The following RGPD2 variants were observed in gnomAD, a reference collection of about 807,000 sequenced individuals.
RGPD2 encodes RANBP2-like and GRIP domain-containing protein 2.
In RGPD2, 2 loss-of-function variants were observed where a neutral mutation model predicts 36.0. The ratio of observed to expected loss-of-function variants is 0.06; its 90% CI spans 0.02 to 0.17. The LOEUF is 0.17. Among genes scored for constraint, RGPD2 ranks in the 10% least tolerant of loss-of-function variants. The pLI is 1.00. For missense variants in RGPD2, 40 were observed against 464.3 expected, an observed-to-expected ratio of 0.09 and a Z score of 8.40; for synonymous variants, 19 against 163.8, an observed-to-expected ratio of 0.12 and a Z score of 6.75.
intron 1 of RGPD2, among the ~76,000 whole-genome samples, chr2:87,825,443 CCG>C (rs1483933016): frequency 2.9e-4 from 33 of 114,222 alleles, no homozygotes; most frequent in African/African-American, 6.0e-4. Flanking sequence ...CCGCCGCCGC[CCG>C]GCCAGGCCGA....
chr2:87,915,396 T>C, the RGPD2 span, among the ~76,000 whole-genome samples: 1 of 142,458 alleles, frequency 7.0e-6, no homozygotes, highest in South Asian at 2.1e-4. Context: ...TATATATATG[T>C]ATATTATATA....
At chr2:87,827,155 G>A (rs1021702300), upstream of RGPD2, among the ~76,000 whole-genome samples, 3 of 152,120 alleles carry the variant, frequency 2.0e-5, no homozygotes, top group Admixed American at 6.5e-5. Flanking sequence ...TTGACAGGAA[G>A]TGTAAGAGTT....
chr2:87,973,351 G>C, the RGPD2 span, among the ~76,000 whole-genome samples: 1 of 122,806 alleles, frequency 8.1e-6, no homozygotes, highest in South Asian at 2.8e-4. Context: ...GGGTGAGCCA[G>C]TCAAGGAGGT....
At chr2:87,758,992 T>A (rs1374925431) in intron 22 of RGPD2, among the ~76,000 whole-genome samples, 1 of 144,548 alleles carries the variant, frequency 6.9e-6, no homozygotes, top group African/African-American at 2.5e-5. Context: ...AGCAAAACTT[T>A]GCTCAGATCC....
the RGPD2 span, among the ~76,000 whole-genome samples, chr2:87,988,311 G>A: frequency 7.6e-6 from 1 of 131,382 alleles, no homozygotes; most frequent in Non-Finnish European, 1.6e-5. Flanking sequence ...AATTCTGATT[G>A]TATTTTGACA....
At chr2:87,924,619 T>G in the RGPD2 span, among the ~76,000 whole-genome samples, 1 of 152,110 alleles carries the variant, frequency 6.6e-6, no homozygotes, top group Non-Finnish European at 1.5e-5. Context: ...CAGTAATAAA[T>G]GTATTAGTAG....
At chr2:87,937,256 A>T in the RGPD2 span, among the ~76,000 whole-genome samples, 58 of 151,906 alleles carry the variant, frequency 3.8e-4, no homozygotes, top group South Asian at 0.012. Flanking sequence ...ATAAGCACAT[A>T]TTTGCAAAGT....
At chr2:87,823,662 T>A in intron 1 of RGPD2, among the ~76,000 whole-genome samples, 1 of 128,050 alleles carries the variant, frequency 7.8e-6, no homozygotes, top group Admixed American at 7.7e-5. Context: ...ACAAAATGTC[T>A]AAAATGGGAG....
At chr2:87,932,657 TTTC>T in the RGPD2 span, among the ~76,000 whole-genome samples, 1 of 151,072 alleles carries the variant, frequency 6.6e-6, no homozygotes, top group Non-Finnish European at 1.5e-5. Context: ...TGGTAACAAA[TTTC>T]TTCAGCATTT....
chr2:87,877,600 A>C, the RGPD2 span, among the ~76,000 whole-genome samples: 42 of 152,328 alleles, frequency 2.8e-4, no homozygotes, highest in African/African-American at 1.0e-3. Flanking sequence ...TCAGGAGATC[A>C]AGACCATCCT....
the RGPD2 span, among the ~76,000 whole-genome samples, chr2:87,873,735 GC>G: frequency 7.9e-5 from 12 of 151,854 alleles, no homozygotes; most frequent in Admixed American, 2.6e-4. Flanking sequence ...ACGGTGGCAG[GC>G]AATGTGAGAG....
the RGPD2 span, among the ~76,000 whole-genome samples, chr2:87,836,450 G>C: frequency 6.6e-6 from 1 of 151,814 alleles, no homozygotes; most frequent in Non-Finnish European, 1.5e-5. Context: ...CCTATATTCA[G>C]CATTGTTAAA....
intron 6 of RGPD2, among the ~76,000 whole-genome samples, chr2:87,809,830 G>A (rs1490437464): frequency 6.9e-6 from 1 of 144,856 alleles, no homozygotes; most frequent in Non-Finnish European, 1.5e-5. Flanking sequence ...CCCCCTCTGA[G>A]GGCCAAGGGC....
the RGPD2 span, among the ~76,000 whole-genome samples, chr2:87,836,265 GGAAGAAA>G: frequency 1.5e-5 from 2 of 135,250 alleles, no homozygotes; most frequent in Admixed American, 1.6e-4. Context: ...AAGGAAGGAA[GGAAGAAA>G]GAAGAAAGAA....
the RGPD2 span, among the ~76,000 whole-genome samples, chr2:87,878,183 T>C: frequency 6.6e-6 from 1 of 152,284 alleles, no homozygotes; most frequent in Non-Finnish European, 1.5e-5. Flanking sequence ...AGATTTGGTC[T>C]CTTTACATAA....
At chr2:87,928,900 T>G in the RGPD2 span, among the ~76,000 whole-genome samples, 109 of 150,980 alleles carry the variant, frequency 7.2e-4, no homozygotes, top group Middle Eastern at 3.4e-3. Context: ...ATGAGGTGGG[T>G]TTTTTTTTCT....
chr2:87,914,793 G>GAGAGC, the RGPD2 span, among the ~76,000 whole-genome samples: 101 of 149,574 alleles, frequency 6.8e-4, no homozygotes, highest in Admixed American at 6.1e-3. Flanking sequence ...TTTTTTGATT[G>GAGAGC]AAACTAGATT....
chr2:87,807,282 C>T (rs1259629767), intron 6 of RGPD2, among the ~76,000 whole-genome samples: 10 of 143,212 alleles, frequency 7.0e-5, no homozygotes, highest in African/African-American at 2.9e-4. Flanking sequence ...TCAAATTAGA[C>T]ATACCATTTC....
At chr2:87,881,889 CCT>C in the RGPD2 span, among the ~76,000 whole-genome samples, 1 of 151,998 alleles carries the variant, frequency 6.6e-6, no homozygotes, top group Admixed American at 6.6e-5. Context: ...ATACAAGAAG[CCT>C]GGTACCAGCA....
Sources: allele counts gnomAD v4.1 joint callset (sites outside exome capture counted in the v4.1 genomes callset), GRCh38; gene constraint gnomAD v4.1.1; transcripts MANE v1.5; gene names NCBI Gene and HGNC (gene_info 2026-07-23, HGNC 2026-07-21).